Variants in LAMC1 observed in about 807,000 individuals in gnomAD.
The protein encoded by LAMC1 is laminin subunit gamma-1.
In LAMC1, 38 loss-of-function variants were observed where a neutral mutation model predicts 173.6. The ratio of observed to expected loss-of-function variants is 0.22; its 90% confidence interval spans 0.17 to 0.29. LAMC1 has a LOEUF of 0.29. Ranked by LOEUF, LAMC1 falls within the 10% of genes least tolerant of loss-of-function variation. The pLI is 1.00. For synonymous variants in LAMC1, 746 were observed against 749.1 expected, an observed-to-expected ratio of 1.00 and a Z score of 0.07; for missense variants, 1,824 against 2,051.8, an observed-to-expected ratio of 0.89 and a Z score of 2.14.
At chr1:183,040,404 A>G (rs1253100505) in intron 1 of LAMC1, among the ~76,000 whole-genome samples, 1 of 152,250 alleles carries the variant, frequency 6.6e-6, no homozygotes, top group Non-Finnish European at 1.5e-5. Context: ...AGGAAAGGCT[A>G]TTGATGATTC....
At chr1:183,077,355 C>T (rs1183376771) in intron 1 of LAMC1, among the ~76,000 whole-genome samples, 2 of 152,134 alleles carry the variant, frequency 1.3e-5, no homozygotes, top group African/African-American at 4.8e-5. Context: ...TCCCTGTATC[C>T]TCTTCCCTGT....
intron 1 of LAMC1, among the ~76,000 whole-genome samples, chr1:183,049,837 A>G (rs1175948832): frequency 6.7e-6 from 1 of 150,200 alleles, no homozygotes; most frequent in Admixed American, 6.6e-5. Flanking sequence ...AAAAAAAAAA[A>G]TCATTCTGGA....
chr1:183,045,666 G>A (rs1436220608), intron 1 of LAMC1, among the ~76,000 whole-genome samples: 2 of 152,048 alleles, frequency 1.3e-5, no homozygotes, highest in African/African-American at 2.4e-5. Context: ...TGATGCCTAT[G>A]TGTGAGATTC....
At position 183,117,709 on chromosome 1, in the gene LAMC1, G is replaced by A. The variant is rs775845156; in HGVS notation, c.1863G>A (p.Val621=). 33 of 1,613,632 alleles carry A rather than the reference G, an allele frequency of 2.0e-5. No individual in the cohort carries two copies. In the Admixed American group the frequency reaches 5.3e-4, roughly 26 times the overall value. Residue 621 remains valine (V), a synonymous_variant, in exon 10 of 28, where the codon GTG becomes GTA. Coordinates refer to ENST00000258341, the MANE Select transcript of LAMC1 (RefSeq NM_002293.4). ...QGNSYPSETT[V]KYVFRLHEAT... ...ATTCCTATCCAAGTGAGACCACTGTGAAGTATGTCTTCAGGTAAGATAGCC... is the reference window on the plus strand; with the variant it reads ...ATTCCTATCCAAGTGAGACCACTGTAAAGTATGTCTTCAGGTAAGATAGCC...
At position 183,142,515 on chromosome 1, in the gene LAMC1, G is replaced by A. The variant is rs1249500173; in HGVS notation, c.4574-19G>A. On this transcript the variant is annotated intron_variant, in intron 27 of 27. Coordinates refer to ENST00000258341, the MANE Select transcript of LAMC1 (RefSeq NM_002293.4). ...ACTGAATATGTCTGTTCTCTTCTAT[G>A]TACTTTCTGACCCTCCAGGGCAGCT... 2 of 1,593,472 alleles carry A rather than the reference G, an allele frequency of 1.3e-6. No individual in the cohort carries two copies. The highest frequency in any genetic ancestry group is 1.7e-5 in the Admixed American group (1 of 57,978).
At chr1:183,106,650 T>C (rs1655986361) in intron 2 of LAMC1, among the ~76,000 whole-genome samples, 1 of 152,212 alleles carries the variant, frequency 6.6e-6, no homozygotes, top group Non-Finnish European at 1.5e-5. Context: ...AAATGCTGTC[T>C]TTGAGTGGTT....
chr1:183,126,255 C>T lies in LAMC1; in HGVS notation c.2937C>T (p.Gly979=). The part of the protein sequence containing the change: ...EVNHFGFGPE[G]CKPCDCHPEG... ...ACCACTTTGGGTTTGGACCTGAAGGCTGCAAACGTAAGGGGTGTTGGTGGC... is the reference window on the plus strand; with the variant it reads ...ACCACTTTGGGTTTGGACCTGAAGGTTGCAAACGTAAGGGGTGTTGGTGGC... Residue 979 remains glycine (G), a synonymous_variant, in exon 16 of 28, where the codon GGC becomes GGT. Coordinates refer to ENST00000258341, the MANE Select transcript of LAMC1 (RefSeq NM_002293.4). 1 of 1,613,680 alleles carries T rather than the reference C, an allele frequency of 6.2e-7. No individual in the cohort carries two copies. Among genetic ancestry groups the T allele is most frequent in the Non-Finnish European group, 8.5e-7 (1 of 1,179,870 alleles).
chr1:183,142,871 A>AT lies in LAMC1; in HGVS notation c.*86dup. On this transcript the variant is annotated 3_prime_UTR_variant, in exon 28 of 28. Coordinates refer to ENST00000258341, the MANE Select transcript of LAMC1 (RefSeq NM_002293.4). Reference sequence around the variant, plus strand: ...CAGAGTGCCTTGACACAAAGATTACATTTTTCAGACCCCCACTCCTCTGCT... The same window carrying AT: ...CAGAGTGCCTTGACACAAAGATTACATTTTTTCAGACCCCCACTCCTCTGCT... 7.0e-7 allele frequency: 1 copy of AT among 1,421,022 alleles called. No individual in the cohort carries two copies. The highest frequency in any genetic ancestry group is 9.6e-7 in the Non-Finnish European group (1 of 1,045,202). 88.0% of individuals were successfully genotyped at this position (1,421,022 alleles called of 1,614,324 possible). A position where few individuals can be genotyped will look rare whatever the true frequency, so the allele number is the denominator to read the frequency against.
At chr1:183,099,276 G>T (rs930754883) in intron 1 of LAMC1, among the ~76,000 whole-genome samples, 4 of 152,018 alleles carry the variant, frequency 2.6e-5, no homozygotes, top group Non-Finnish European at 1.5e-5. Context: ...TTTTAGGAGA[G>T]ACAGGGTTTC....
intron 1 of LAMC1, among the ~76,000 whole-genome samples, chr1:183,054,397 A>G (rs1654528066): frequency 6.6e-6 from 1 of 152,206 alleles, no homozygotes. Context: ...GCTCTGCCTC[A>G]GAATAAAATG....
chr1:183,025,536 G>C (rs1653665176), intron 1 of LAMC1, among the ~76,000 whole-genome samples: 2 of 152,274 alleles, frequency 1.3e-5, no homozygotes, highest in Admixed American at 1.3e-4. Context: ...TTTTTTAAAG[G>C]TGCCTTTCTG....
intron 1 of LAMC1, among the ~76,000 whole-genome samples, chr1:183,102,471 GT>G (rs910179438): frequency 6.6e-6 from 1 of 152,180 alleles, no homozygotes; most frequent in African/African-American, 2.4e-5. Flanking sequence ...TATAGATATT[GT>G]TAGAGTTAGC....
At chr1:183,093,125 T>C (rs1434429378) in intron 1 of LAMC1, among the ~76,000 whole-genome samples, 1 of 152,108 alleles carries the variant, frequency 6.6e-6, no homozygotes, top group African/African-American at 2.4e-5. Context: ...TCCTGGGCGA[T>C]TTAGGGCTCT....
chr1:183,030,752 C>T (rs1653829477), intron 1 of LAMC1, among the ~76,000 whole-genome samples: 1 of 151,976 alleles, frequency 6.6e-6, no homozygotes, highest in Admixed American at 6.5e-5. Flanking sequence ...AAATCTTAGG[C>T]GAAAACTCAT....
At chr1:183,059,319 G>A (rs928817529) in intron 1 of LAMC1, among the ~76,000 whole-genome samples, 1 of 152,196 alleles carries the variant, frequency 6.6e-6, no homozygotes, top group African/African-American at 2.4e-5. Context: ...TTACATCATG[G>A]TGGAACTTGG....
chr1:183,132,312 A>G (rs28377741), intron 20 of LAMC1, 88 bp from the exon 21 acceptor site: 1 of 821,850 alleles, frequency 1.2e-6, no homozygotes, highest in Non-Finnish European at 1.9e-6. Flanking sequence ...AATAATAATA[A>G]TAATAATAAA....
intron 1 of LAMC1, among the ~76,000 whole-genome samples, chr1:183,055,155 A>AT (rs368155237): frequency 2.0e-5 from 3 of 150,438 alleles, no homozygotes; most frequent in African/African-American, 7.3e-5. Flanking sequence ...CGCCTGGCTA[A>AT]TTTTTTGTAT....
At chr1:183,107,510 T>G (rs1340575956) in intron 2 of LAMC1, among the ~76,000 whole-genome samples, 1 of 152,000 alleles carries the variant, frequency 6.6e-6, no homozygotes, top group African/African-American at 2.4e-5. Flanking sequence ...GGGGATTGGG[T>G]TGGCAGGGAG....
chr1:183,105,539 G>A (rs1655956999), intron 2 of LAMC1, among the ~76,000 whole-genome samples: 1 of 152,090 alleles, frequency 6.6e-6, no homozygotes, highest in Admixed American at 6.5e-5. Context: ...TGTAAGAATT[G>A]TGATGTTTGT....
Sources: allele counts gnomAD v4.1 joint callset (sites outside exome capture counted in the v4.1 genomes callset), GRCh38; gene constraint gnomAD v4.1.1; transcripts MANE v1.5; gene names NCBI Gene and HGNC (gene_info 2026-07-23, HGNC 2026-07-21).